SLC7A14: variants seen among roughly 807,000 people sequenced by gnomAD.
SLC7A14 encodes solute carrier family 7 member 14, also known as gamma-aminobutyric acid transporter SLC7A14.
A neutral mutation model predicts 60.2 loss-of-function variants in SLC7A14; 37 were observed. That is an observed-to-expected ratio of 0.61 (90% CI 0.47 to 0.81). SLC7A14 has a LOEUF of 0.81. SLC7A14 is among the 30% of genes least tolerant of loss of function. The pLI is 0.00. For synonymous variants in SLC7A14, 399 were observed against 395.8 expected, an observed-to-expected ratio of 1.01 and a Z score of -0.10; for missense variants, 886 against 982.7, an observed-to-expected ratio of 0.90 and a Z score of 1.32.
At chr3:170,543,648 G>GAAAAA (rs939660893) in intron 1 of SLC7A14, among the ~76,000 whole-genome samples, 1 of 148,084 alleles carries the variant, frequency 6.8e-6, no homozygotes, top group African/African-American at 2.5e-5. Context: ...CATCTCAAAA[G>GAAAAA]AAAAAAAACA....
intron 1 of SLC7A14, among the ~76,000 whole-genome samples, chr3:170,542,677 G>A (rs1416357902): frequency 6.6e-6 from 1 of 152,320 alleles, no homozygotes; most frequent in South Asian, 2.1e-4. Context: ...AAAGCCGTGG[G>A]TTGTGTGTGC....
intron 6 of SLC7A14, among the ~76,000 whole-genome samples, chr3:170,482,195 C>G (rs1711854429): frequency 6.6e-6 from 1 of 152,114 alleles, no homozygotes; most frequent in Non-Finnish European, 1.5e-5. Flanking sequence ...CTCCTCTCCC[C>G]TCTCCTCCTG....
At chr3:170,511,464 T>C (rs1463311907) in intron 2 of SLC7A14, among the ~76,000 whole-genome samples, 1 of 152,062 alleles carries the variant, frequency 6.6e-6, no homozygotes, top group African/African-American at 2.4e-5. Flanking sequence ...GGTCACCCAA[T>C]TCATTGACCC....
intron 1 of SLC7A14, among the ~76,000 whole-genome samples, chr3:170,551,934 T>C (rs1190512218): frequency 6.6e-6 from 1 of 152,214 alleles, no homozygotes; most frequent in Non-Finnish European, 1.5e-5. Flanking sequence ...ATTTATCTAT[T>C]TTTCCTTTTA....
intron 1 of SLC7A14, among the ~76,000 whole-genome samples, chr3:170,536,187 G>C (rs1713833637): frequency 6.6e-6 from 1 of 152,204 alleles, no homozygotes; most frequent in South Asian, 2.1e-4. Flanking sequence ...TTAATGAGAT[G>C]ATGCTTGTGG....
At position 170,467,479 on chromosome 3, in the gene SLC7A14, TG is replaced by T. The variant is rs1016249145; in HGVS notation, c.1994-103del. The T allele has an allele frequency of 1.9e-4, 8 of 43,236 alleles. 1 individual carries two copies. Among genetic ancestry groups the T allele is most frequent in the Non-Finnish European group, 3.3e-4 (7 of 21,186 alleles). The allele number at this position is 43,236 out of a possible 1,614,324, so 2.7% of individuals were successfully genotyped here. ...AGTGATGAAATCAAAGCTGGCGGGGTGGGGGGCGGTGGGGGCGGGGATGTAT... is the reference window on the plus strand; with the variant it reads ...AGTGATGAAATCAAAGCTGGCGGGGTGGGGGCGGTGGGGGCGGGGATGTAT... On this transcript the variant is annotated intron_variant, in intron 7 of 7. Transcript: ENST00000231706.
At chr3:170,531,236 T>C (rs1446906232) in intron 1 of SLC7A14, among the ~76,000 whole-genome samples, 1 of 151,944 alleles carries the variant, frequency 6.6e-6, no homozygotes, top group Non-Finnish European at 1.5e-5. Context: ...CTCTGACAGG[T>C]ACTTCCGGTT....
intron 1 of SLC7A14, among the ~76,000 whole-genome samples, chr3:170,571,770 G>GT (rs1376975498): frequency 6.6e-6 from 1 of 152,030 alleles, no homozygotes; most frequent in Admixed American, 6.6e-5. Flanking sequence ...CCTAGAAAAA[G>GT]TAAGACTTGG....
intron 1 of SLC7A14, among the ~76,000 whole-genome samples, chr3:170,539,381 C>T (rs553613594): frequency 1.7e-4 from 26 of 152,272 alleles, no homozygotes; most frequent in African/African-American, 6.3e-4. Context: ...TGGCCCTGGC[C>T]TCTCTGTGGT....
At chr3:170,541,253 C>T (rs546708215) in intron 1 of SLC7A14, among the ~76,000 whole-genome samples, 8 of 152,300 alleles carry the variant, frequency 5.3e-5, no homozygotes, top group Non-Finnish European at 1.0e-4. Context: ...AATGGATTAT[C>T]AGGCACTCAA....
chr3:170,524,119 C>T (rs1426396129), intron 2 of SLC7A14, among the ~76,000 whole-genome samples: 1 of 152,116 alleles, frequency 6.6e-6, no homozygotes, highest in Non-Finnish European at 1.5e-5. Flanking sequence ...AATTACTGGG[C>T]AGGACCAGGG....
rs55850380 is a variant in SLC7A14 at position 170,533,650 on chromosome 3, A to AGTGTGTGT, written c.-152-6570_-152-6563dup. On this transcript the variant is annotated intron_variant, in intron 1 of 7. Transcript: ENST00000231706. ...GAGATGTTTTTGATCCATCTGGCCCAGTGTGTGTGTGTGTGTGTGTGTGTG... is the reference window on the plus strand; with the variant it reads ...GAGATGTTTTTGATCCATCTGGCCCAGTGTGTGTGTGTGTGTGTGTGTGTGTGTGTGTG... 3.0e-3 allele frequency among the ~76,000 whole-genome samples: 450 copies of AGTGTGTGT among 149,062 alleles called. 2 individuals are homozygous for AGTGTGTGT. Among genetic ancestry groups the AGTGTGTGT allele is most frequent in the African/African-American group, 8.6e-3 (350 of 40,870 alleles).
At chr3:170,530,447 C>T (rs956430989) in intron 1 of SLC7A14, among the ~76,000 whole-genome samples, 2 of 152,160 alleles carry the variant, frequency 1.3e-5, no homozygotes, top group African/African-American at 2.4e-5. Flanking sequence ...AGTCACTTAC[C>T]CAAAGTCACC....
chr3:170,553,756 T>C (rs1266486371), intron 1 of SLC7A14, among the ~76,000 whole-genome samples: 1 of 152,172 alleles, frequency 6.6e-6, no homozygotes, highest in East Asian at 1.9e-4. Flanking sequence ...CTGCTATGTT[T>C]AAGCGACTTG....
chr3:170,491,108 C>T (rs1334977652), intron 4 of SLC7A14, among the ~76,000 whole-genome samples: 1 of 152,088 alleles, frequency 6.6e-6, no homozygotes, highest in African/African-American at 2.4e-5. Flanking sequence ...GAGCAAGTAC[C>T]CAGCTTGATT....
intron 3 of SLC7A14, 104 bp from the exon 4 acceptor site, chr3:170,498,988 G>A: frequency 9.1e-7 from 1 of 1,101,134 alleles, no homozygotes; most frequent in East Asian, 2.5e-5. Context: ...AAGAAGGGCA[G>A]TAAACTGGGA....
At chr3:170,528,654 G>T (rs1713583109) in intron 1 of SLC7A14, among the ~76,000 whole-genome samples, 1 of 152,334 alleles carries the variant, frequency 6.6e-6, no homozygotes, top group African/African-American at 2.4e-5. Flanking sequence ...AGCTTTGACA[G>T]TGTGGCTTCG....
Position 170,486,344 on chromosome 3 carries a change from A to G in SLC7A14, c.784T>C (p.Phe262Leu). The G allele has an allele frequency of 1.2e-6, 2 of 1,614,238 alleles. No individual in the cohort carries two copies. The highest frequency in any genetic ancestry group is 1.3e-5 in the African/African-American group (1 of 75,062). Reference sequence around the variant, plus strand: ...ATGTCAAAGCCAATGAAAGCGTAGAAGCATGTTGCTGCTCCTTGCAGCACC... The same window carrying G: ...ATGTCAAAGCCAATGAAAGCGTAGAGGCATGTTGCTGCTCCTTGCAGCACC... ...SGVLQGAATC[F>L]YAFIGFDIIA... Residue 262 changes from phenylalanine to leucine, a missense_variant, in exon 5 of 8, where the codon TTC becomes CTC. Physicochemically the swap from Phe to Leu is conservative, Grantham distance 22 (BLOSUM62 0). Coordinates refer to ENST00000231706, the MANE Select transcript of SLC7A14 (RefSeq NM_020949.3).
chr3:170,502,108 T>C (rs189794116), intron 2 of SLC7A14, among the ~76,000 whole-genome samples: 26 of 152,184 alleles, frequency 1.7e-4, no homozygotes, highest in African/African-American at 5.3e-4. Context: ...TAGGGATTAA[T>C]TGGATGAAGA....
Sources: allele counts gnomAD v4.1 joint callset (sites outside exome capture counted in the v4.1 genomes callset), GRCh38; gene constraint gnomAD v4.1.1; transcripts MANE v1.5; gene names NCBI Gene and HGNC (gene_info 2026-07-23, HGNC 2026-07-21).